Variants in WDR47 observed in about 807,000 individuals in gnomAD.
The protein encoded by WDR47 is WD repeat domain 47.
In WDR47, 32 loss-of-function variants were observed where a neutral mutation model predicts 97.2. That is an observed-to-expected ratio of 0.33 (90% CI 0.25 to 0.44). The LOEUF is 0.44. WDR47 is among the 20% of genes least tolerant of loss of function. The pLI is 1.00. For synonymous variants in WDR47, 375 were observed against 373.5 expected, an observed-to-expected ratio of 1.00 and a Z score of -0.05; for missense variants, 782 against 1,102.3, an observed-to-expected ratio of 0.71 and a Z score of 4.11.
chr1:108,971,242 A>G lies in WDR47; in HGVS notation c.*188T>C, dbSNP rs1447142690. The G allele has an allele frequency of 6.9e-6, 5 of 721,608 alleles. No individual in the cohort carries two copies. The highest frequency in any genetic ancestry group is 3.1e-5 in the Admixed American group (1 of 32,592). 44.7% of individuals were successfully genotyped at this position (721,608 alleles called of 1,614,324 possible). The stretch of plus-strand genomic sequence containing the variant: ...GCAGGTCACAGCAGCACGAGCTCAC[A>G]TGGAAGACTGAAAGCACTGCGGAAT... On this transcript the variant is annotated 3_prime_UTR_variant, in exon 15 of 15. Transcript: ENST00000369962.
chr1:108,983,486 T>C, intron 10 of WDR47, 35 bp from the exon 11 acceptor site: 1 of 1,504,706 alleles, frequency 6.6e-7, no homozygotes, highest in Non-Finnish European at 8.9e-7. Context: ...TATTTCAATT[T>C]CTTGCTTGCT....
intron 7 of WDR47, 96 bp from the exon 8 acceptor site, chr1:108,995,933 CAT>C: frequency 4.1e-6 from 5 of 1,225,236 alleles, no homozygotes; most frequent in African/African-American, 1.5e-5. Flanking sequence ...AAAATATGCA[CAT>C]ATAATATATA....
chr1:108,994,880 T>C (rs1659636555), intron 8 of WDR47, among the ~76,000 whole-genome samples: 1 of 152,180 alleles, frequency 6.6e-6, no homozygotes, highest in South Asian at 2.1e-4. Flanking sequence ...GAAATAAAAC[T>C]AGGTTTTTGA....
chr1:109,028,697 C>T (rs905277526), intron 1 of WDR47, among the ~76,000 whole-genome samples: 3 of 151,862 alleles, frequency 2.0e-5, no homozygotes, highest in Admixed American at 6.6e-5. Context: ...GTCATCCGCC[C>T]GCCTCAGCCT....
At chr1:109,000,883 T>C (rs1018329339) in intron 7 of WDR47, among the ~76,000 whole-genome samples, 61 of 152,292 alleles carry the variant, frequency 4.0e-4, no homozygotes, top group African/African-American at 1.4e-3. Flanking sequence ...TAGCCAACAT[T>C]TATAGGATAC....
At chr1:108,998,919 G>A (rs1023163037) in intron 7 of WDR47, among the ~76,000 whole-genome samples, 1 of 152,044 alleles carries the variant, frequency 6.6e-6, no homozygotes, top group Non-Finnish European at 1.5e-5. Context: ...TACAAAACTA[G>A]AGTCTAGAAA....
chr1:108,997,630 G>A (rs1382568077), intron 7 of WDR47, among the ~76,000 whole-genome samples: 1 of 151,358 alleles, frequency 6.6e-6, no homozygotes, highest in Non-Finnish European at 1.5e-5. Flanking sequence ...CGTGGTGGTG[G>A]GCGCCTGTAG....
chr1:108,987,508 C>T (rs1658933055), intron 9 of WDR47, among the ~76,000 whole-genome samples: 1 of 151,888 alleles, frequency 6.6e-6, no homozygotes, highest in South Asian at 2.1e-4. Flanking sequence ...TGCTCTGTTG[C>T]CCAGGCTGGA....
chr1:108,996,213 ACCAGCTAACTTTTT>A (rs1222971176), intron 7 of WDR47, among the ~76,000 whole-genome samples: 1 of 152,050 alleles, frequency 6.6e-6, no homozygotes, highest in Admixed American at 6.6e-5. Context: ...TACCATCATG[ACCAGCTAACTTTTT>A]AAATTTTTTG....
intron 5 of WDR47, among the ~76,000 whole-genome samples, chr1:109,007,328 T>TA (rs1006372356): frequency 6.6e-6 from 1 of 151,762 alleles, no homozygotes; most frequent in Non-Finnish European, 1.5e-5. Context: ...ATATAACATT[T>TA]AAAAAAACAA....
intron 5 of WDR47, among the ~76,000 whole-genome samples, chr1:109,006,450 G>A (rs951996968): frequency 6.6e-6 from 1 of 152,118 alleles, no homozygotes; most frequent in African/African-American, 2.4e-5. Flanking sequence ...AATTACTAAT[G>A]GCCACAGGAA....
chr1:108,979,599 G>A (rs935905412), intron 13 of WDR47, among the ~76,000 whole-genome samples: 1 of 152,136 alleles, frequency 6.6e-6, no homozygotes, highest in African/African-American at 2.4e-5. Context: ...AATGTGGGAT[G>A]ATGGGAGTTG....
At chr1:108,972,782 C>T (rs1657567167) in intron 14 of WDR47, among the ~76,000 whole-genome samples, 2 of 152,016 alleles carry the variant, frequency 1.3e-5, no homozygotes, top group Admixed American at 1.3e-4. Flanking sequence ...TCTGTCTCTA[C>T]TAAAAATACA....
chr1:109,004,757 G>C, intron 5 of WDR47, 42 bp from the exon 6 acceptor site: 2 of 1,539,240 alleles, frequency 1.3e-6, no homozygotes, highest in Non-Finnish European at 8.7e-7. Flanking sequence ...GGCAGAGGGG[G>C]GAGTAAAGGA....
At chr1:108,997,127 AAAG>A (rs1360818399) in intron 7 of WDR47, among the ~76,000 whole-genome samples, 5 of 151,846 alleles carry the variant, frequency 3.3e-5, no homozygotes, top group Admixed American at 2.0e-4. Context: ...AAAAAAAAAA[AAAG>A]AAGTTAGACC....
chr1:109,010,060 T>C (rs776726576), intron 5 of WDR47, among the ~76,000 whole-genome samples: 47 of 152,078 alleles, frequency 3.1e-4, no homozygotes, highest in Non-Finnish European at 5.1e-4. Context: ...CATCTAAGTA[T>C]GAGATTGTAT....
chr1:109,017,750 AT>A (rs33990918), intron 2 of WDR47, 149 bp from the exon 3 acceptor site: 288,384 of 437,432 alleles, frequency 0.66, 74,179 homozygotes, highest in Admixed American at 0.77. Context: ...ATTTTTCATA[AT>A]TTTTTTTTTT....
chr1:108,971,228 C>A lies in WDR47; in HGVS notation c.*202G>T. On this transcript the variant is annotated 3_prime_UTR_variant, in exon 15 of 15. Coordinates refer to ENST00000369962, the MANE Select transcript of WDR47 (RefSeq NM_001142551.2). ...CGAGACTACATATAGCAGGTCACAG[C>A]AGCACGAGCTCACATGGAAGACTGA... The A allele has an allele frequency of 3.2e-6, 2 of 634,230 alleles. No individual in the cohort carries two copies. Among genetic ancestry groups the A allele is most frequent in the Non-Finnish European group, 5.2e-6 (2 of 385,584 alleles). The allele number at this position is 634,230 out of a possible 1,614,324, so 39.3% of individuals were successfully genotyped here.
chr1:109,001,341 A>G (rs1660172018), intron 7 of WDR47, among the ~76,000 whole-genome samples: 1 of 152,078 alleles, frequency 6.6e-6, no homozygotes, highest in African/African-American at 2.4e-5. Flanking sequence ...TAAAAAATAA[A>G]CACACACGTG....
Sources: gnomAD v4.1 joint callset for allele counts (sites outside exome capture counted in the v4.1 genomes callset) on GRCh38, gnomAD v4.1.1 for gene constraint, MANE v1.5 for transcripts, NCBI Gene and HGNC (gene_info 2026-07-23, HGNC 2026-07-21) for gene names.